SOCS6: variants seen among roughly 807,000 people sequenced by gnomAD.
SOCS6 encodes suppressor of cytokine signaling 6.
In SOCS6, 5 loss-of-function variants were observed where a neutral mutation model predicts 27.7. That is an observed-to-expected ratio of 0.18 (90% CI 0.09 to 0.38). SOCS6 has a LOEUF of 0.38. Among genes scored for constraint, SOCS6 ranks in the 10% least tolerant of loss-of-function variants. The pLI, the probability that SOCS6 is intolerant of heterozygous loss-of-function variation, is 1.00. For missense variants in SOCS6, 595 were observed against 688.1 expected, an observed-to-expected ratio of 0.86 and a Z score of 1.51; for synonymous variants, 271 against 260.0, an observed-to-expected ratio of 1.04 and a Z score of -0.41.
At position 70,328,081 on chromosome 18, in the gene SOCS6, G is replaced by T. The variant is rs145891676; in HGVS notation, c.*1805G>T. ...TTTCTCATATGTTTTCTCCTAATAA[G>T]ATGGAATATGGAGTATACTGTAATA... is the stretch of plus-strand genomic sequence containing the variant. On this transcript the variant is annotated 3_prime_UTR_variant, in exon 2 of 2. Coordinates refer to ENST00000397942, the MANE Select transcript of SOCS6 (RefSeq NM_004232.4). 8.4e-5 allele frequency: 14 copies of T among 166,970 alleles called. No individual in the cohort carries two copies. The highest frequency in any genetic ancestry group is 1.6e-4 in the Non-Finnish European group (11 of 68,092). 10.3% of individuals were successfully genotyped at this position (166,970 alleles called of 1,614,324 possible). A position where few individuals can be genotyped will look rare whatever the true frequency, so the allele number is the denominator to read the frequency against.
chr18:70,301,442 A>G (rs1319549751), intron 1 of SOCS6, among the ~76,000 whole-genome samples: 4 of 144,176 alleles, frequency 2.8e-5, no homozygotes, highest in Admixed American at 2.2e-4. Flanking sequence ...GTGATTCTGA[A>G]TGTTCTGATC....
chr18:70,325,395 G>A lies in SOCS6; in HGVS notation c.727G>A (p.Asp243Asn). ...GGAAGGATCACGGAGCTATTGTCTG[G>A]ACAGCTCTTCTCCCATGGAAGTCTC... ...PLEGSRSYCL[D>N]SSSPMEVSAV... The change falls in exon 2 of 2, where the codon GAC becomes AAC. Residue 243 changes from aspartate (D) to asparagine (N), a missense_variant. Around this residue, in one of 2 missense-constraint regions of SOCS6, gnomAD observed 467 missense variants for 481.1 expected, o/e 0.97. Coordinates refer to ENST00000397942, the MANE Select transcript of SOCS6 (RefSeq NM_004232.4). This position sits in a 1 kb window ranked among gnomAD's most constrained non-coding sequence, Gnocchi z 6.3. 1 of 1,614,204 alleles carries A rather than the reference G, an allele frequency of 6.2e-7. No individual in the cohort carries two copies.
At chr18:70,298,975 A>T (rs1366058254) in intron 1 of SOCS6, among the ~76,000 whole-genome samples, 1 of 152,060 alleles carries the variant, frequency 6.6e-6, no homozygotes, top group Non-Finnish European at 1.5e-5. Context: ...AAATACAAAA[A>T]TTAGCCAGGC....
Position 70,324,682 on chromosome 18 carries a change from G to T in SOCS6, c.14G>T (p.Ser5Ile). ...TAACTAGTCATAATGAAGAAAATTA[G>T]TCTTAAAACCTTACGGAAATCTTTT... MKKI[S>I]LKTLRKSFNL... is the part of the protein sequence containing the mutation. The change falls in exon 2 of 2, where the codon AGT becomes ATT. Residue 5 changes from serine (S) to isoleucine (I), a missense_variant. By Grantham distance (142) the Ser-to-Ile change is moderately radical (BLOSUM62 -2). Around this residue, in one of 2 missense-constraint regions of SOCS6, gnomAD observed 467 missense variants for 481.1 expected, o/e 0.97. Transcript: ENST00000397942. 6.3e-7 allele frequency: 1 copy of T among 1,582,404 alleles called. No homozygotes were observed. The highest frequency in any genetic ancestry group is 8.6e-7 in the Non-Finnish European group (1 of 1,159,114).
At position 70,325,532 on chromosome 18, in the gene SOCS6, G is replaced by A; in HGVS notation, c.864G>A (p.Leu288=). ...TCGTGGATCAGTCCGTGAATGGCTT[G>A]TTGATTGGCACCACGGGAGTCATGT... is the stretch of plus-strand genomic sequence containing the variant. The part of the protein sequence containing the change: ...EIFVDQSVNG[L]LIGTTGVMLQ... The change falls in exon 2 of 2, where the codon TTG becomes TTA. Residue 288 remains leucine, a synonymous_variant. Coordinates refer to ENST00000397942, the MANE Select transcript of SOCS6 (RefSeq NM_004232.4). The surrounding 1 kb of genome is among the most constrained non-coding windows in gnomAD (Gnocchi z 6.3). The A allele has an allele frequency of 6.2e-7, 1 of 1,614,144 alleles. No homozygotes were observed. Among genetic ancestry groups the A allele is most frequent in the African/African-American group, 1.3e-5 (1 of 75,028 alleles).
intron 1 of SOCS6, among the ~76,000 whole-genome samples, chr18:70,299,856 G>A (rs1424256996): frequency 3.3e-5 from 5 of 152,138 alleles, no homozygotes; most frequent in Admixed American, 6.5e-5. Flanking sequence ...TATAACACTT[G>A]TGTTAGGTGT....
chr18:70,291,310 G>A (rs1317091966), intron 1 of SOCS6, among the ~76,000 whole-genome samples: 1 of 151,926 alleles, frequency 6.6e-6, no homozygotes, highest in Non-Finnish European at 1.5e-5. Flanking sequence ...CTGTGTTGCC[G>A]AGGCTGGTCT....
intron 1 of SOCS6, among the ~76,000 whole-genome samples, chr18:70,299,913 G>T (rs955917426): frequency 2.0e-5 from 3 of 152,088 alleles, no homozygotes; most frequent in Admixed American, 2.0e-4. Flanking sequence ...GATGTACATA[G>T]GTTATATGCA....
rs1911113925 is a variant in SOCS6 at position 70,324,587 on chromosome 18, G to A, written c.-82G>A. The A allele has an allele frequency of 3.3e-6, 3 of 910,758 alleles. No individual in the cohort carries two copies. The highest frequency in any genetic ancestry group is 5.0e-6 in the Non-Finnish European group (3 of 596,354). 56.4% of individuals were successfully genotyped at this position (910,758 alleles called of 1,614,324 possible). The stretch of plus-strand genomic sequence containing the variant: ...AATGAAGCAGGAAAAATACATAGAT[G>A]CAGCCTTGCAGCCTCTCCAGATGTT... On this transcript the variant is annotated 5_prime_UTR_variant, in exon 2 of 2. An upstream start codon of the reference 5' UTR is lost. Coordinates refer to ENST00000397942, the MANE Select transcript of SOCS6 (RefSeq NM_004232.4).
chr18:70,325,947 A>T lies in SOCS6; in HGVS notation c.1279A>T (p.Lys427Ter). The change falls in exon 2 of 2, where the codon AAA becomes TAA. Residue 427 changes from lysine (K) to a stop codon, truncating the protein, a stop_gained. Coordinates refer to ENST00000397942, the MANE Select transcript of SOCS6 (RefSeq NM_004232.4). LOFTEE classifies it high-confidence loss of function. The surrounding 1 kb of genome is among the most constrained non-coding windows in gnomAD (Gnocchi z 6.3). ...LLSLSFRSHGKTLHTRIEHSN... is the reference protein window; with the variant it reads ...LLSLSFRSHG ...AAGCTTGAGCTTTCGCTCCCATGGT[A>T]AAACACTTCACACTAGAATTGAGCA... The T allele has an allele frequency of 1.2e-6, 2 of 1,614,266 alleles. No individual in the cohort carries two copies. The highest frequency in any genetic ancestry group is 1.7e-6 in the Non-Finnish European group (2 of 1,180,044).
At chr18:70,299,025 G>A (rs1466742887) in intron 1 of SOCS6, among the ~76,000 whole-genome samples, 1 of 152,162 alleles carries the variant, frequency 6.6e-6, no homozygotes, top group African/African-American at 2.4e-5. Flanking sequence ...TTGGGAGGCT[G>A]GAAGGAGAAT....
chr18:70,317,524 A>G (rs2062417195), intron 1 of SOCS6, among the ~76,000 whole-genome samples: 2 of 412 alleles, frequency 4.9e-3, no homozygotes, highest in African/African-American at 0.012. Flanking sequence ...ACATACATAT[A>G]TACGTATATA....
intron 1 of SOCS6, among the ~76,000 whole-genome samples, chr18:70,293,053 C>G (rs539819371): frequency 3.3e-5 from 5 of 152,128 alleles, no homozygotes; most frequent in East Asian, 1.9e-4. Context: ...CGCCACCCCC[C>G]CCAAATAAGT....
At chr18:70,309,336 A>T (rs2062381345) in intron 1 of SOCS6, among the ~76,000 whole-genome samples, 1 of 152,184 alleles carries the variant, frequency 6.6e-6, no homozygotes, top group African/African-American at 2.4e-5. Context: ...TGACTCCTGG[A>T]GTAAGGGTTT....
chr18:70,305,452 T>C (rs2146272995), intron 1 of SOCS6, among the ~76,000 whole-genome samples: 1 of 152,396 alleles, frequency 6.6e-6, no homozygotes, highest in African/African-American at 2.4e-5. Context: ...GTGATGTGTA[T>C]GCCAGTCTCT....
chr18:70,318,404 G>T (rs1218284843), intron 1 of SOCS6, among the ~76,000 whole-genome samples: 1 of 152,148 alleles, frequency 6.6e-6, no homozygotes, highest in Non-Finnish European at 1.5e-5. Context: ...TGTCTTTGGT[G>T]TTGGAGATAC....
In SOCS6 at chr18:70,308,118, G is replaced by A. The variant is rs77142189; in HGVS notation, c.-126-16425G>A. On this transcript the variant is annotated intron_variant, in intron 1 of 1. Transcript: ENST00000397942. ...TGTTTTGTTTCATTTAGAAATATTC[G>A]GTGTTTTTCCAGATTTATTTCTGTT... is the stretch of plus-strand genomic sequence containing the variant. Among the ~76,000 whole-genome samples, 1,164 of 152,130 alleles carry A rather than the reference G, an allele frequency of 7.7e-3. 14 individuals are homozygous for A. Among genetic ancestry groups the A allele is most frequent in the African/African-American group, 0.027 (1,101 of 41,496 alleles).
chr18:70,325,165 C>T lies in SOCS6; in HGVS notation c.497C>T (p.Pro166Leu), dbSNP rs761118774. Reference protein sequence around the residue: ...KALVHSSSPSPALNGVRKDFH... With the variant: ...KALVHSSSPSLALNGVRKDFH... ...TTGGTTCACTCTTCCAGCCCGAGTC[C>T]AGCCCTGAATGGCGTCCGGAAGGAT... The change falls in exon 2 of 2, where the codon CCA becomes CTA. Residue 166 changes from proline to leucine, a missense_variant. By Grantham distance (98) the Pro-to-Leu change is moderately conservative. Around this residue, in one of 2 missense-constraint regions of SOCS6, gnomAD observed 467 missense variants for 481.1 expected, o/e 0.97. Transcript: ENST00000397942. The surrounding 1 kb of genome is among the most constrained non-coding windows in gnomAD (Gnocchi z 6.3). The T allele has an allele frequency of 6.2e-7, 1 of 1,614,148 alleles. No individual in the cohort carries two copies. Among genetic ancestry groups the T allele is most frequent in the Non-Finnish European group, 8.5e-7 (1 of 1,179,990 alleles).
chr18:70,314,595 G>GT (rs1485450509), intron 1 of SOCS6, among the ~76,000 whole-genome samples: 6 of 152,126 alleles, frequency 3.9e-5, no homozygotes, highest in South Asian at 2.1e-4. Flanking sequence ...TACAATCACA[G>GT]TTTGTGTAAA....
Sources: allele counts gnomAD v4.1 joint callset (sites outside exome capture counted in the v4.1 genomes callset), GRCh38; gene constraint gnomAD v4.1.1; regional missense constraint gnomAD v4.1.1; non-coding constraint Gnocchi (gnomAD v3.1); transcripts MANE v1.5; gene names NCBI Gene and HGNC (gene_info 2026-07-23, HGNC 2026-07-21).